Variants in EEF2KMT observed in about 807,000 individuals in gnomAD.
The protein encoded by EEF2KMT is eukaryotic elongation factor 2 lysine methyltransferase, also known as protein-lysine N-methyltransferase EEF2KMT.
EEF2KMT carries 30 observed loss-of-function variants against 35.1 expected under a neutral mutation model. The observed-to-expected ratio is 0.85, with a 90% CI of 0.64 to 1.16. The LOEUF is 1.16. Among genes scored for constraint, EEF2KMT ranks in the 50% most tolerant of loss-of-function variants. The pLI is 0.00. For synonymous variants in EEF2KMT, 190 were observed against 187.7 expected (o/e 1.01, Z -0.10); for missense variants, 499 against 438.2 (o/e 1.14, Z -1.24).
intron 4 of EEF2KMT, among the ~76,000 whole-genome samples, chr16:5,091,418 A>G (rs1006441221): frequency 2.0e-5 from 3 of 151,598 alleles, no homozygotes; most frequent in African/African-American, 7.3e-5. Flanking sequence ...GGGTTTCACC[A>G]TATTGGCCAG....
Position 5,090,166 on chromosome 16 carries a change from C to A in EEF2KMT, c.660G>T (p.Arg220Ser). Reference protein sequence around the residue: ...ADITAKLDSPRVTVAQLDWDV... With the variant: ...ADITAKLDSPSVTVAQLDWDV... ...CCCAGTCCAGCTGGGCCACTGTCAC[C>A]CTGGGGCTGTCTAACTTGGCAGTGA... The change falls in exon 6 of 8, where the codon AGG becomes AGT. Residue 220 changes from arginine to serine, a missense_variant. Arg to Ser is a moderately radical substitution (Grantham distance 110). Coordinates refer to ENST00000427587, the MANE Select transcript of EEF2KMT (RefSeq NM_201400.4). The surrounding 1 kb of genome is among the most constrained non-coding windows in gnomAD (Gnocchi z 4.1). 6.2e-7 allele frequency: 1 copy of A among 1,611,578 alleles called. No individual in the cohort carries two copies. Among genetic ancestry groups the A allele is most frequent in the East Asian group, 2.2e-5 (1 of 44,878 alleles).
At position 5,093,576 on chromosome 16, in the gene EEF2KMT, G is replaced by T. The variant is rs369378514; in HGVS notation, c.160-12C>A. 61 of 1,611,906 alleles carry T rather than the reference G, an allele frequency of 3.8e-5. No individual in the cohort carries two copies. In the African/African-American group the frequency reaches 7.5e-4, roughly 20 times the overall value. ...GGATGCTTCACAGTCTACGGCAAAG[G>T]ACAGAACGTTGGTTGCTCGAGAGCC... On this transcript the variant is annotated splice_polypyrimidine_tract_variant and intron_variant, in intron 2 of 7. Transcript: ENST00000427587.
At chr16:5,091,565 G>A (rs1462062099) in intron 4 of EEF2KMT, among the ~76,000 whole-genome samples, 1 of 152,250 alleles carries the variant, frequency 6.6e-6, no homozygotes, top group Non-Finnish European at 1.5e-5. Flanking sequence ...GAAGCAGGTA[G>A]TGTGTGTCAC....
rs530610560 is a variant in EEF2KMT at position 5,089,985 on chromosome 16, C to A, written c.742+99G>T. 13 of 1,538,390 alleles carry A rather than the reference C, an allele frequency of 8.5e-6. No homozygotes were observed. In the South Asian group the frequency reaches 1.3e-4, roughly 16 times the overall value. ...ACTCTTCTGGAAGCCCCATCATGTC[C>A]ATGCCCGACAGCGTCCATTGTTCCC... On this transcript the variant is annotated intron_variant, in intron 6 of 7. Coordinates refer to ENST00000427587, the MANE Select transcript of EEF2KMT (RefSeq NM_201400.4).
intron 1 of EEF2KMT, 71 bp downstream of exon 1, chr16:5,097,573 C>T (rs1476356269): frequency 6.6e-7 from 1 of 1,526,372 alleles, no homozygotes. Flanking sequence ...GGCTTCAGCA[C>T]GGAGACCCGT....
At chr16:5,097,580 C>T (rs757740457) in intron 1 of EEF2KMT, 64 bp downstream of exon 1, 75 of 1,527,386 alleles carry the variant, frequency 4.9e-5, no homozygotes, top group Non-Finnish European at 6.0e-5. Context: ...GCACGGAGAC[C>T]CGTCCCGTCT....
intron 2 of EEF2KMT, among the ~76,000 whole-genome samples, chr16:5,095,142 T>C (rs551000708): frequency 3.0e-4 from 45 of 152,344 alleles, no homozygotes; most frequent in African/African-American, 1.1e-3. Flanking sequence ...ATCAACCAAA[T>C]GCTAGAAGCT....
chr16:5,097,227 G>A, intron 1 of EEF2KMT: 4 of 1,187,522 alleles, frequency 3.4e-6, no homozygotes, highest in South Asian at 1.3e-5. Flanking sequence ...AGAATACTGA[G>A]GCACGAGGGA....
chr16:5,093,722 C>G (rs543163707), intron 2 of EEF2KMT, among the ~76,000 whole-genome samples, 158 bp from the exon 3 acceptor site: 10 of 152,212 alleles, frequency 6.6e-5, no homozygotes, highest in Non-Finnish European at 1.3e-4. Flanking sequence ...TGAAGTTTGT[C>G]TTAAGATATA....
chr16:5,091,328 C>T (rs533508732), intron 4 of EEF2KMT, among the ~76,000 whole-genome samples: 11 of 152,132 alleles, frequency 7.2e-5, no homozygotes, highest in African/African-American at 1.2e-4. Context: ...GTGATCCCCC[C>T]GCCTCAGCCT....
chr16:5,088,685 GCTCGTCTTCCACCGA>G (rs1478108895), intron 7 of EEF2KMT, among the ~76,000 whole-genome samples: 11 of 152,118 alleles, frequency 7.2e-5, no homozygotes, highest in Non-Finnish European at 1.3e-4. Context: ...CAGTCACCCT[GCTCGTCTTCCACCGA>G]CTGGGTGCTC....
At position 5,090,460 on chromosome 16, in the gene EEF2KMT, T is replaced by C. The variant is rs1957318866; in HGVS notation, c.448A>G (p.Ile150Val). The change falls in exon 5 of 8, where the codon ATC becomes GTC. Residue 150 changes from isoleucine to valine, a missense_variant. Physicochemically the swap from Ile to Val is conservative, Grantham distance 29 (BLOSUM62 3). Transcript: ENST00000427587. This position sits in a 1 kb window ranked among gnomAD's most constrained non-coding sequence, Gnocchi z 4.1. The part of the protein sequence containing the change: ...DAALYLAEWA[I>V]ENPAVFTNRT... ...TTAGTGAAGACTGCCGGGTTCTCGA[T>C]GGCCCATTCTGCAAGGTAGAGGGCG... 1.2e-6 allele frequency: 2 copies of C among 1,611,782 alleles called. No homozygotes were observed. The highest frequency in any genetic ancestry group is 1.7e-6 in the Non-Finnish European group (2 of 1,179,806).
Position 5,090,489 on chromosome 16 carries a change from T to G in EEF2KMT, c.419A>C (p.Asp140Ala), listed in dbSNP as rs779048505. 1.2e-6 allele frequency: 2 copies of G among 1,611,624 alleles called. No individual in the cohort carries two copies. Among genetic ancestry groups the G allele is most frequent in the South Asian group, 2.2e-5 (2 of 90,954 alleles). The change falls in exon 5 of 8, where the codon GAC becomes GCC. Residue 140 changes from aspartate (D) to alanine (A), a missense_variant. Coordinates refer to ENST00000427587, the MANE Select transcript of EEF2KMT (RefSeq NM_201400.4). This position sits in a 1 kb window ranked among gnomAD's most constrained non-coding sequence, Gnocchi z 4.1. ...CCATTCTGCAAGGTAGAGGGCGGCG[T>G]CCCATGTGACCAGGCCTGTGGTACC... ...SYGTTGLVTW[D>A]AALYLAEWAI... is the part of the protein sequence containing the mutation.
rs772931873 is a variant in EEF2KMT at position 5,097,629 on chromosome 16, C to G, written c.96+15G>C. ...CGCGAGCCCCGCGGGCCTCTCCGCT[C>G]GCCCCGCCGCCCACCTGCCAGGGGA... On this transcript the variant is annotated intron_variant, in intron 1 of 7. Coordinates refer to ENST00000427587, the MANE Select transcript of EEF2KMT (RefSeq NM_201400.4). 5.2e-6 allele frequency: 8 copies of G among 1,547,474 alleles called. No homozygotes were observed. Among genetic ancestry groups the G allele is most frequent in the Non-Finnish European group, 6.9e-6 (8 of 1,153,116 alleles).
chr16:5,086,371 C>T (rs1203847384), intron 7 of EEF2KMT: 2 of 152,408 alleles, frequency 1.3e-5, no homozygotes, highest in Non-Finnish European at 2.9e-5. Context: ...ACCACACACA[C>T]ACCCACACAC....
intron 3 of EEF2KMT, 38 bp downstream of exon 3, chr16:5,093,446 G>A (rs1307640953): frequency 1.9e-6 from 3 of 1,611,594 alleles, no homozygotes; most frequent in Non-Finnish European, 2.5e-6. Context: ...AGGTGGCTAT[G>A]CTGTCCGGCT....
intron 3 of EEF2KMT, among the ~76,000 whole-genome samples, chr16:5,093,279 CA>C (rs1957379777): frequency 6.6e-6 from 1 of 152,214 alleles, no homozygotes; most frequent in South Asian, 2.1e-4. Context: ...CCCCAGGAGG[CA>C]GAGTGAGGGA....
intron 7 of EEF2KMT, among the ~76,000 whole-genome samples, chr16:5,086,331 T>G (rs1322300828): frequency 2.8e-5 from 1 of 36,084 alleles, no homozygotes; most frequent in Non-Finnish European, 6.3e-5. Context: ...TGAGACTAAG[T>G]CTCAAAAAAA....
At chr16:5,095,422 C>A in intron 2 of EEF2KMT, 30 bp downstream of exon 2, 1 of 1,611,048 alleles carries the variant, frequency 6.2e-7, no homozygotes, top group Non-Finnish European at 8.5e-7. Flanking sequence ...GAGGCAGGGT[C>A]ATGAGTCCCA....
Sources: allele counts gnomAD v4.1 joint callset (sites outside exome capture counted in the v4.1 genomes callset), GRCh38; gene constraint gnomAD v4.1.1; non-coding constraint Gnocchi (gnomAD v3.1); transcripts MANE v1.5; gene names NCBI Gene and HGNC (gene_info 2026-07-23, HGNC 2026-07-21).